MXI1: variants seen among roughly 807,000 people sequenced by gnomAD.
The protein encoded by MXI1 is max-interacting protein 1.
Under a neutral mutation model 36.9 loss-of-function variants are expected in MXI1, and 18 were observed. That is an observed-to-expected ratio of 0.49 (90% CI 0.34 to 0.72). MXI1 has a LOEUF of 0.72. Among genes scored for constraint, MXI1 ranks in the 30% least tolerant of loss-of-function variants. The probability of loss-of-function intolerance (pLI) is 0.01; values close to 1 mark genes in which losing one functional copy is unlikely to be tolerated. For synonymous variants in MXI1, 160 were observed against 146.7 expected (o/e 1.09, Z -0.65); for missense variants, 304 against 379.1 (o/e 0.80, Z 1.64).
chr10:110,207,922 G>T lies in MXI1; in HGVS notation c.114G>T (p.Leu38=), dbSNP rs550444719. The T allele has an allele frequency of 1.9e-6, 3 of 1,545,000 alleles. No homozygotes were observed. The East Asian group carries it at 8.0e-5, about 41-fold the overall frequency. ...PAVAAPQPPA[L]PEDPAGAKPR... Reference sequence around the variant, plus strand: ...TGGCCGCGCCCCAGCCCCCGGCCCTGCCCGAGGACCCCGCTGGGGCCAAGC... The same window carrying T: ...TGGCCGCGCCCCAGCCCCCGGCCCTTCCCGAGGACCCCGCTGGGGCCAAGC... The change falls in exon 1 of 6, where the codon CTG becomes CTT. Residue 38 remains leucine (L), a synonymous_variant. Coordinates refer to ENST00000332674, the MANE Select transcript of MXI1 (RefSeq NM_130439.3).
chr10:110,251,277 T>G (rs973434595), intron 3 of MXI1, among the ~76,000 whole-genome samples: 1 of 152,130 alleles, frequency 6.6e-6, no homozygotes, highest in African/African-American at 2.4e-5. Flanking sequence ...AAAACAGTTC[T>G]AATCATGATC....
chr10:110,215,764 G>A (rs1854621982), intron 1 of MXI1, among the ~76,000 whole-genome samples: 1 of 152,222 alleles, frequency 6.6e-6, no homozygotes, highest in Non-Finnish European at 1.5e-5. Flanking sequence ...GGAGCTAGAA[G>A]GTGGTGGCAG....
intron 3 of MXI1, among the ~76,000 whole-genome samples, chr10:110,251,116 A>G (rs2134407619): frequency 6.7e-6 from 1 of 150,294 alleles, no homozygotes; most frequent in African/African-American, 2.5e-5. Flanking sequence ...ATTGGAAATT[A>G]GCATTTATAG....
chr10:110,246,639 C>A (rs1331213087), intron 3 of MXI1, among the ~76,000 whole-genome samples: 2 of 152,122 alleles, frequency 1.3e-5, no homozygotes, highest in African/African-American at 4.8e-5. Context: ...TGCAAAGATA[C>A]TGTTTTGTTC....
At chr10:110,233,411 G>T (rs1349330059) in intron 2 of MXI1, among the ~76,000 whole-genome samples, 3 of 151,990 alleles carry the variant, frequency 2.0e-5, no homozygotes, top group African/African-American at 7.2e-5. Context: ...TTTTCCAGTA[G>T]TAATTTGAGA....
At chr10:110,224,162 G>C (rs548661930) in intron 1 of MXI1, among the ~76,000 whole-genome samples, 3 of 152,238 alleles carry the variant, frequency 2.0e-5, no homozygotes, top group South Asian at 2.1e-4. Flanking sequence ...GAATGACCAC[G>C]GGAGGGGGAA....
intron 4 of MXI1, 94 bp downstream of exon 4, chr10:110,279,388 A>G (rs969088760): frequency 9.8e-7 from 1 of 1,024,806 alleles, no homozygotes; most frequent in Non-Finnish European, 1.5e-6. Flanking sequence ...CTAGTTCACC[A>G]TGCCCTCCTT....
intron 2 of MXI1, among the ~76,000 whole-genome samples, chr10:110,240,419 G>T (rs1024275317): frequency 2.0e-5 from 3 of 151,956 alleles, no homozygotes; most frequent in African/African-American, 7.2e-5. Flanking sequence ...TATTGTGGTG[G>T]TAATTGTTTT....
At chr10:110,209,338 T>TGA (rs764550489) in intron 1 of MXI1, among the ~76,000 whole-genome samples, 3 of 151,824 alleles carry the variant, frequency 2.0e-5, no homozygotes, top group Admixed American at 6.6e-5. Context: ...CGTGTGTGTG[T>TGA]GAGAGAGAGA....
chr10:110,285,034 A>T lies in MXI1; in HGVS notation c.*47A>T. 6.6e-7 allele frequency: 1 copy of T among 1,524,388 alleles called. No individual in the cohort carries two copies. The highest frequency in any genetic ancestry group is 8.8e-7 in the Non-Finnish European group (1 of 1,130,918). 94.4% of individuals were successfully genotyped at this position (1,524,388 alleles called of 1,614,324 possible). A position where few individuals can be genotyped will look rare whatever the true frequency, so the allele number is the denominator to read the frequency against. On this transcript the variant is annotated 3_prime_UTR_variant, in exon 6 of 6. Coordinates refer to ENST00000332674, the MANE Select transcript of MXI1 (RefSeq NM_130439.3). ...GCAGGGCAAAATATTCACTGGGCCAATTCAATACAAACAATCTCTTAAATT... is the reference window on the plus strand; with the variant it reads ...GCAGGGCAAAATATTCACTGGGCCATTTCAATACAAACAATCTCTTAAATT...
At chr10:110,243,500 C>G (rs1855748164) in intron 2 of MXI1, among the ~76,000 whole-genome samples, 1 of 152,000 alleles carries the variant, frequency 6.6e-6, no homozygotes, top group Non-Finnish European at 1.5e-5. Context: ...GTTTGAGAAT[C>G]TGATTATTAA....
intron 1 of MXI1, among the ~76,000 whole-genome samples, chr10:110,215,558 A>T (rs1362433606): frequency 2.6e-5 from 4 of 152,112 alleles, no homozygotes; most frequent in Admixed American, 2.6e-4. Context: ...GTAGAGTCCC[A>T]ACCTGGGCAT....
intron 2 of MXI1, among the ~76,000 whole-genome samples, chr10:110,239,639 A>G (rs1855597055): frequency 6.6e-6 from 1 of 152,182 alleles, no homozygotes; most frequent in Non-Finnish European, 1.5e-5. Flanking sequence ...GTTAAAAATC[A>G]TCCTTTACAA....
intron 1 of MXI1, 89 bp downstream of exon 1, chr10:110,208,171 C>T (rs1274569141): frequency 2.2e-6 from 3 of 1,345,704 alleles, no homozygotes; most frequent in East Asian, 3.1e-5. Context: ...TCGGCCCGTC[C>T]CCCCCCCGCC....
intron 3 of MXI1, among the ~76,000 whole-genome samples, chr10:110,248,077 C>G (rs1355671944): frequency 6.6e-6 from 1 of 152,176 alleles, no homozygotes; most frequent in African/African-American, 2.4e-5. Context: ...CCATCATTCT[C>G]AGCAAACTAT....
At position 110,209,740 on chromosome 10, in the gene MXI1, G is replaced by A. The variant is rs560521527; in HGVS notation, c.274+1658G>A. Among the ~76,000 whole-genome samples the A allele has an allele frequency of 2.6e-5, 4 of 152,210 alleles. No individual in the cohort carries two copies. In the East Asian group the frequency reaches 7.7e-4, roughly 29 times the overall value. ...AAAGCCAGAGCTGGTGGGGAGCTGGGTGAAGACGTGGTTTTGTTTGGTGTG... is the reference window on the plus strand; with the variant it reads ...AAAGCCAGAGCTGGTGGGGAGCTGGATGAAGACGTGGTTTTGTTTGGTGTG... On this transcript the variant is annotated intron_variant, in intron 1 of 5. Coordinates refer to ENST00000332674, the MANE Select transcript of MXI1 (RefSeq NM_130439.3).
intron 3 of MXI1, among the ~76,000 whole-genome samples, chr10:110,258,737 A>C (rs1856402359): frequency 1.3e-5 from 2 of 152,168 alleles, no homozygotes; most frequent in South Asian, 4.1e-4. Context: ...AAAATAGAGG[A>C]AATGTAGCCA....
At chr10:110,274,272 T>C (rs987829790) in intron 3 of MXI1, among the ~76,000 whole-genome samples, 4 of 152,226 alleles carry the variant, frequency 2.6e-5, no homozygotes, top group Non-Finnish European at 5.9e-5. Flanking sequence ...TTAATTTTGA[T>C]AGGACTCTTC....
At chr10:110,245,961 A>G (rs1027464919) in intron 3 of MXI1, 32 of 152,316 alleles carry the variant, frequency 2.1e-4, no homozygotes, top group African/African-American at 7.2e-4. Flanking sequence ...AAATAGAAGA[A>G]GAAGACAAAT....
Sources: gnomAD v4.1 joint callset for allele counts (sites outside exome capture counted in the v4.1 genomes callset) on GRCh38, gnomAD v4.1.1 for gene constraint, MANE v1.5 for transcripts, NCBI Gene and HGNC (gene_info 2026-07-23, HGNC 2026-07-21) for gene names.